GGCT: variants seen among roughly 807,000 people sequenced by gnomAD.
GGCT encodes the protein cytochrome c-releasing factor 21.
A neutral mutation model predicts 22.1 loss-of-function variants in GGCT; 20 were observed. That is an observed-to-expected ratio of 0.91 (90% CI 0.64 to 1.32). GGCT has a LOEUF of 1.32. Among genes scored for constraint, GGCT ranks in the 40% most tolerant of loss-of-function variants. The pLI, the probability that GGCT is intolerant of heterozygous loss-of-function variation, is 0.00. For missense variants in GGCT, 209 were observed against 223.5 expected (o/e 0.94, Z 0.41); for synonymous variants, 72 against 78.4 (o/e 0.92, Z 0.43).
chr7:30,499,410 G>T (rs1347721169), intron 2 of GGCT, among the ~76,000 whole-genome samples: 1 of 133,728 alleles, frequency 7.5e-6, no homozygotes, highest in Non-Finnish European at 1.6e-5. Flanking sequence ...ATCTCAAAAA[G>T]AAAAAAAAAA....
At position 30,496,755 on chromosome 7, in the gene GGCT, A is replaced by G. The variant is rs1445363793; in HGVS notation, c.*337T>C. 1.8e-5 allele frequency: 3 copies of G among 170,306 alleles called. No homozygotes were observed. Among genetic ancestry groups the G allele is most frequent in the Non-Finnish European group, 3.7e-5 (3 of 80,262 alleles). 10.5% of individuals were successfully genotyped at this position (170,306 alleles called of 1,614,324 possible). ...AATCTCAGACAGAGCAGAGCAATTC[A>G]CCAGCACCATCATCAAGTGAGCTAC... On this transcript the variant is annotated 3_prime_UTR_variant, in exon 4 of 4. Transcript: ENST00000275428.
In GGCT at chr7:30,498,900, T is replaced by C; in HGVS notation, c.326A>G (p.Glu109Gly). ...GVKSGMYVVIEVKVATQEGKE... is the reference protein window; with the variant it reads ...GVKSGMYVVIGVKVATQEGKE... ...TCCTTCTTGAGTTGCAACTTTAACT[T>C]CTATTACAACATACATTCCACTTTT... Residue 109 changes from glutamate to glycine, a missense_variant, in exon 3 of 4, where the codon GAA becomes GGA. By Grantham distance (98) the Glu-to-Gly change is moderately conservative. Transcript: ENST00000275428. 1 of 1,613,410 alleles carries C rather than the reference T, an allele frequency of 6.2e-7. No homozygotes were observed. The highest frequency in any genetic ancestry group is 8.5e-7 in the Non-Finnish European group (1 of 1,179,392).
intron 3 of GGCT, 179 bp from the exon 4 acceptor site, chr7:30,497,414 G>A (rs1216044412): frequency 2.4e-6 from 1 of 424,570 alleles, no homozygotes; most frequent in East Asian, 3.6e-5. Flanking sequence ...GAGCATGAAT[G>A]TGTATGGAGT....
In GGCT at chr7:30,497,013, C is replaced by A. The variant is rs1789554672; in HGVS notation, c.*79G>T. 9.0e-6 allele frequency: 8 copies of A among 890,564 alleles called. No homozygotes were observed. In the South Asian group the frequency reaches 9.8e-5, roughly 11 times the overall value. The allele number at this position is 890,564 out of a possible 1,614,324, so 55.2% of individuals were successfully genotyped here. ...CTGAAAATGGATCAAACGTGGAGAT[C>A]CCCCAGATCCCTGTTCTCAAGTGTT... is the stretch of plus-strand genomic sequence containing the variant. On this transcript the variant is annotated 3_prime_UTR_variant, in exon 4 of 4. Coordinates refer to ENST00000275428, the MANE Select transcript of GGCT (RefSeq NM_024051.4).
rs1430594365 is a variant in GGCT at position 30,504,666 on chromosome 7, T to C, written c.44A>G (p.Glu15Gly). 1.9e-6 allele frequency: 3 copies of C among 1,613,980 alleles called. No homozygotes were observed. Among genetic ancestry groups the C allele is most frequent in the Non-Finnish European group, 1.7e-6 (2 of 1,179,884 alleles). The change falls in exon 1 of 4, where the codon GAG becomes GGG. Residue 15 changes from glutamate to glycine, a missense_variant. Coordinates refer to ENST00000275428, the MANE Select transcript of GGCT (RefSeq NM_024051.4). ...GCKDVTGPDE[E>G]SFLYFAYGSN... ...GCCGTAGGCAAAGTACAGAAAACTCTCCTCATCTGGACCCGTGACGTCCTT... is the reference window on the plus strand; with the variant it reads ...GCCGTAGGCAAAGTACAGAAAACTCCCCTCATCTGGACCCGTGACGTCCTT...
chr7:30,498,892 C>T lies in GGCT; in HGVS notation c.334G>A (p.Val112Ile), dbSNP rs1789626219. Reference sequence around the variant, plus strand: ...ATTTCTTTTCCTTCTTGAGTTGCAACTTTAACTTCTATTACAACATACATT... The same window carrying T: ...ATTTCTTTTCCTTCTTGAGTTGCAATTTTAACTTCTATTACAACATACATT... ...SGMYVVIEVK[V>I]ATQEGKEITC... The change falls in exon 3 of 4, where the codon GTT becomes ATT. Residue 112 changes from valine (V) to isoleucine (I), a missense_variant. By Grantham distance (29) the Val-to-Ile change is conservative (BLOSUM62 3). Coordinates refer to ENST00000275428, the MANE Select transcript of GGCT (RefSeq NM_024051.4). 2 of 1,613,298 alleles carry T rather than the reference C, an allele frequency of 1.2e-6. No individual in the cohort carries two copies. The highest frequency in any genetic ancestry group is 1.1e-5 in the South Asian group (1 of 91,072).
chr7:30,498,374 T>C (rs1338328480), intron 3 of GGCT, among the ~76,000 whole-genome samples: 1 of 152,126 alleles, frequency 6.6e-6, no homozygotes, highest in East Asian at 1.9e-4. Flanking sequence ...AACATTTTTA[T>C]TAAAATAAAT....
intron 1 of GGCT, among the ~76,000 whole-genome samples, chr7:30,500,946 G>GA (rs1018921863): frequency 4.0e-5 from 6 of 151,792 alleles, no homozygotes; most frequent in East Asian, 1.9e-4. Context: ...AAAGTTTAAG[G>GA]AAAAAAAATC....
chr7:30,497,198 A>G lies in GGCT; in HGVS notation c.461T>C (p.Leu154Pro), dbSNP rs985970192. ...TGCTTTTAACTTCTCTTGATACTCCAGCGGCAAACCATTTTCTTTTGCACC... is the reference window on the plus strand; with the variant it reads ...TGCTTTTAACTTCTCTTGATACTCCGGCGGCAAACCATTTTCTTTTGCACC... Reference protein sequence around the residue: ...CMGAKENGLPLEYQEKLKAIE... With the variant: ...CMGAKENGLPPEYQEKLKAIE... The change falls in exon 4 of 4, where the codon CTG becomes CCG. Residue 154 changes from leucine (L) to proline (P), a missense_variant. Leu to Pro is a moderately conservative substitution (Grantham distance 98). Coordinates refer to ENST00000275428, the MANE Select transcript of GGCT (RefSeq NM_024051.4). 1.9e-6 allele frequency: 3 copies of G among 1,611,518 alleles called. No individual in the cohort carries two copies. Among genetic ancestry groups the G allele is most frequent in the African/African-American group, 1.3e-5 (1 of 74,750 alleles).
At chr7:30,501,520 A>T (rs1476038358) in intron 1 of GGCT, among the ~76,000 whole-genome samples, 2 of 152,240 alleles carry the variant, frequency 1.3e-5, no homozygotes, top group African/African-American at 4.8e-5. Flanking sequence ...CTTGGAACTA[A>T]TAAGTAATGA....
intron 3 of GGCT, chr7:30,497,807 A>G (rs1228092122): frequency 6.8e-7 from 1 of 1,464,126 alleles, no homozygotes. Context: ...CTGAACAGGA[A>G]TTTTGGGGTC....
At chr7:30,504,438 G>A in intron 1 of GGCT, 131 bp downstream of exon 1, 1 of 1,066,496 alleles carries the variant, frequency 9.4e-7, no homozygotes, top group Non-Finnish European at 1.3e-6. Context: ...CGCCCAGGAG[G>A]CGGAAGCCGC....
chr7:30,501,052 G>C (rs568222370), intron 1 of GGCT, among the ~76,000 whole-genome samples: 2 of 152,206 alleles, frequency 1.3e-5, no homozygotes, highest in South Asian at 4.1e-4. Flanking sequence ...GAGACAAGCT[G>C]GGTGATGGCT....
chr7:30,499,437 C>T (rs1789643046), intron 2 of GGCT, among the ~76,000 whole-genome samples: 2 of 151,310 alleles, frequency 1.3e-5, no homozygotes, highest in African/African-American at 4.9e-5. Flanking sequence ...GGTGCAGTGG[C>T]TCACACCTGT....
At chr7:30,498,469 G>C (rs1373679115) in intron 3 of GGCT, among the ~76,000 whole-genome samples, 2 of 151,994 alleles carry the variant, frequency 1.3e-5, no homozygotes, top group African/African-American at 2.4e-5. Context: ...ACCCAGGCTG[G>C]AGTGTGGTGG....
In GGCT at chr7:30,500,579, C is replaced by T. The variant is rs1789676100; in HGVS notation, c.244G>A (p.Val82Ile). Residue 82 changes from valine to isoleucine, a missense_variant, in exon 2 of 4, where the codon GTA (valine) becomes ATA (isoleucine). By Grantham distance (29) the Val-to-Ile change is conservative. Coordinates refer to ENST00000275428, the MANE Select transcript of GGCT (RefSeq NM_024051.4). Reference sequence around the variant, plus strand: ...TTGCTTTTGTTCATTTTCCATACTACTCCCCACACTTCATCGCCAGGACTC... The same window carrying T: ...TTGCTTTTGTTCATTTTCCATACTATTCCCCACACTTCATCGCCAGGACTC... ...FQSPGDEVWG[V>I]VWKMNKSNLN... is the part of the protein sequence containing the mutation. The T allele has an allele frequency of 1.9e-6, 3 of 1,613,532 alleles. No homozygotes were observed. The highest frequency in any genetic ancestry group is 3.3e-5 in the Admixed American group (2 of 60,002).
chr7:30,504,440 G>A, intron 1 of GGCT, 129 bp downstream of exon 1: 1 of 1,101,688 alleles, frequency 9.1e-7, no homozygotes, highest in Admixed American at 2.4e-5. Context: ...CCCAGGAGGC[G>A]GAAGCCGCGT....
intron 1 of GGCT, 139 bp downstream of exon 1, chr7:30,504,430 C>T (rs1789778033): frequency 1.0e-6 from 1 of 994,910 alleles, no homozygotes. Flanking sequence ...GGTGGACCCG[C>T]CCAGGAGGCG....
At chr7:30,498,778 C>T in intron 3 of GGCT, 25 bp downstream of exon 3, 1 of 1,587,828 alleles carries the variant, frequency 6.3e-7, no homozygotes, top group Non-Finnish European at 8.6e-7. Context: ...AAAAAGTAAT[C>T]ACCACCAGTC....
Sources: allele counts gnomAD v4.1 joint callset (sites outside exome capture counted in the v4.1 genomes callset), GRCh38; gene constraint gnomAD v4.1.1; transcripts MANE v1.5; gene names NCBI Gene and HGNC (gene_info 2026-07-23, HGNC 2026-07-21).